GIGYF2: variants seen among roughly 807,000 people sequenced by gnomAD.
The protein encoded by GIGYF2 is GRB10 interacting GYF protein 2.
A neutral mutation model predicts 208.1 loss-of-function variants in GIGYF2; 25 were observed. That is an observed-to-expected ratio of 0.12 (90% CI 0.09 to 0.17). GIGYF2 has a LOEUF of 0.17. GIGYF2 is among the 10% of genes least tolerant of loss of function. GIGYF2 has a pLI of 1.00. For missense variants in GIGYF2, 1,302 were observed against 1,579.4 expected (o/e 0.82, Z 2.98); for synonymous variants, 534 against 543.8 (o/e 0.98, Z 0.25).
At chr2:232,708,671 TAAAA>T (rs11365519) in intron 2 of GIGYF2, among the ~76,000 whole-genome samples, 12,934 of 120,316 alleles carry the variant, frequency 0.11, 884 homozygotes, top group African/African-American at 0.2. Context: ...CTCATTTCTT[TAAAA>T]AAAAAAAAAA....
intron 8 of GIGYF2, chr2:232,776,425 A>G (rs752527054): frequency 2.5e-6 from 4 of 1,595,382 alleles, no homozygotes; most frequent in South Asian, 1.1e-5. Flanking sequence ...AGAAGAATGG[A>G]TATTATTGCA....
intron 23 of GIGYF2, among the ~76,000 whole-genome samples, chr2:232,840,805 C>G (rs565737186): frequency 6.6e-6 from 1 of 152,174 alleles, no homozygotes; most frequent in East Asian, 1.9e-4. Flanking sequence ...CTGAGAAGGC[C>G]TCTGAAAAGG....
At chr2:232,834,276 T>C (rs754211085) in intron 22 of GIGYF2, among the ~76,000 whole-genome samples, 1 of 152,108 alleles carries the variant, frequency 6.6e-6, no homozygotes, top group Admixed American at 6.6e-5. Context: ...AGAGGTGGCA[T>C]GGAGTCAGTC....
intron 28 of GIGYF2, among the ~76,000 whole-genome samples, chr2:232,852,955 C>G (rs1559171343): frequency 1.3e-5 from 2 of 151,854 alleles, no homozygotes; most frequent in Admixed American, 6.6e-5. Context: ...ATAGGTCATC[C>G]TAGGAGTAGA....
At chr2:232,757,263 T>C (rs937203298) in intron 6 of GIGYF2, among the ~76,000 whole-genome samples, 1 of 152,176 alleles carries the variant, frequency 6.6e-6, no homozygotes, top group Non-Finnish European at 1.5e-5. Context: ...AATCCAGGTG[T>C]GAAGTGTCTG....
chr2:232,781,884 G>A (rs1396847748), intron 8 of GIGYF2, among the ~76,000 whole-genome samples: 1 of 152,238 alleles, frequency 6.6e-6, no homozygotes. Context: ...TGACTCAGCT[G>A]TGTGGCCTTG....
chr2:232,821,710 T>C (rs1313169142), intron 21 of GIGYF2, among the ~76,000 whole-genome samples: 2 of 152,174 alleles, frequency 1.3e-5, no homozygotes, highest in Non-Finnish European at 2.9e-5. Context: ...ATTAAATTTG[T>C]CTTTTATTAG....
Position 232,856,781 on chromosome 2 carries a change from T to G in GIGYF2, c.3833-12T>G. On this transcript the variant is annotated splice_polypyrimidine_tract_variant and intron_variant, in intron 28 of 28. Coordinates refer to ENST00000373563, the MANE Select transcript of GIGYF2 (RefSeq NM_001103146.3). ...TGGGTGTGGTCACTCATAGCCAGTT[T>G]TTTTTCTGCAGGATTTTCAGTCAAT... 6.2e-7 allele frequency: 1 copy of G among 1,607,408 alleles called. No homozygotes were observed. The highest frequency in any genetic ancestry group is 2.2e-5 in the East Asian group (1 of 44,858).
intron 23 of GIGYF2, among the ~76,000 whole-genome samples, chr2:232,842,326 G>A (rs528400880): frequency 6.6e-6 from 1 of 152,192 alleles, no homozygotes; most frequent in East Asian, 1.9e-4. Flanking sequence ...AAAATGTTGG[G>A]TATTACAGGC....
At chr2:232,716,940 G>C (rs989217733) in intron 2 of GIGYF2, among the ~76,000 whole-genome samples, 3 of 151,570 alleles carry the variant, frequency 2.0e-5, no homozygotes, top group African/African-American at 7.3e-5. Context: ...CCAGTAGCTG[G>C]GACCACAGGC....
At position 232,784,552 on chromosome 2, in the gene GIGYF2, G is replaced by A. The variant is rs567716040; in HGVS notation, c.533-2598G>A. Among the ~76,000 whole-genome samples, 17 of 151,066 alleles carry A rather than the reference G, an allele frequency of 1.1e-4. No individual in the cohort carries two copies. The South Asian group carries it at 1.7e-3, about 15-fold the overall frequency. On this transcript the variant is annotated intron_variant, in intron 8 of 28. Transcript: ENST00000373563. ...ACTACAGGCGCCCGCCACCGCGCCC[G>A]GCTAATTTTTTCTATTTTTAGTAGA...
chr2:232,812,026 G>C (rs1256881968), intron 17 of GIGYF2, among the ~76,000 whole-genome samples: 1 of 152,168 alleles, frequency 6.6e-6, no homozygotes, highest in Non-Finnish European at 1.5e-5. Flanking sequence ...CTAAAATGCA[G>C]ACCTTTTTTC....
chr2:232,707,098 T>G (rs77629398), intron 2 of GIGYF2, among the ~76,000 whole-genome samples: 59 of 152,314 alleles, frequency 3.9e-4, no homozygotes, highest in African/African-American at 1.4e-3. Flanking sequence ...AATTTTATTC[T>G]TTTCACTAAA....
In GIGYF2 at chr2:232,845,825, T is replaced by G; in HGVS notation, c.3399T>G (p.Asp1133Glu). 1 of 1,613,726 alleles carries G rather than the reference T, an allele frequency of 6.2e-7. No homozygotes were observed. The highest frequency in any genetic ancestry group is 8.5e-7 in the Non-Finnish European group (1 of 1,179,666). ...KLFQGVNKAQ[D>E]GFTQWCEQML... ...TTCAGGGAGTAAATAAAGCCCAAGA[T>G]GGATTTACGCAGTGGTGTGAACAGA... The change falls in exon 26 of 29, where the codon GAT becomes GAG. Residue 1133 changes from aspartate (D) to glutamate (E), a missense_variant. This residue lies in a region of GIGYF2 where 701 missense variants were observed against 793.0 expected (regional missense o/e 0.88). Coordinates refer to ENST00000373563, the MANE Select transcript of GIGYF2 (RefSeq NM_001103146.3).
At chr2:232,815,076 C>T (rs1700869168) in intron 18 of GIGYF2, among the ~76,000 whole-genome samples, 1 of 152,176 alleles carries the variant, frequency 6.6e-6, no homozygotes, top group Non-Finnish European at 1.5e-5. Context: ...CCAGAGGTCT[C>T]CACAGCTCCA....
Position 232,816,952 on chromosome 2 carries a change from C to A in GIGYF2, c.2290C>A (p.Gln764Lys). Residue 764 changes from glutamine (Q) to lysine (K), a missense_variant, in exon 20 of 29, where the codon CAA (glutamine) becomes AAA (lysine). Around this residue, in one of 8 missense-constraint regions of GIGYF2, gnomAD observed 701 missense variants for 793.0 expected, o/e 0.88. Transcript: ENST00000373563. ...ERKRQEELRR[Q>K]QEEILRRQQE... ...AAAGAGGCAGGAAGAACTCCGAAGA[C>A]AACAGGAGGAAATTCTTCGGCGACA... The A allele has an allele frequency of 6.2e-7, 1 of 1,611,320 alleles. No homozygotes were observed. Among genetic ancestry groups the A allele is most frequent in the Non-Finnish European group, 8.5e-7 (1 of 1,177,584 alleles).
intron 16 of GIGYF2, among the ~76,000 whole-genome samples, chr2:232,810,019 A>G (rs1225525520): frequency 6.6e-6 from 1 of 151,960 alleles, no homozygotes; most frequent in Non-Finnish European, 1.5e-5. Context: ...ACAGAGCCTC[A>G]CTCTGTCATC....
At chr2:232,752,818 G>A (rs890159275) in intron 5 of GIGYF2, among the ~76,000 whole-genome samples, 5 of 152,104 alleles carry the variant, frequency 3.3e-5, no homozygotes, top group South Asian at 2.1e-4. Context: ...GGGATTACAG[G>A]CATGAGCCAC....
chr2:232,755,000 C>T (rs947070800), intron 5 of GIGYF2, among the ~76,000 whole-genome samples: 1 of 151,922 alleles, frequency 6.6e-6, no homozygotes, highest in African/African-American at 2.4e-5. Context: ...TTTATTACAA[C>T]ACATTTAATA....
Sources: allele counts gnomAD v4.1 joint callset (sites outside exome capture counted in the v4.1 genomes callset), GRCh38; gene constraint gnomAD v4.1.1; regional missense constraint gnomAD v4.1.1; transcripts MANE v1.5; gene names NCBI Gene and HGNC (gene_info 2026-07-23, HGNC 2026-07-21).